The following RERE variants were observed in gnomAD, a reference collection of about 807,000 sequenced individuals.
RERE encodes the protein arginine-glutamic acid dipeptide repeats protein.
A neutral mutation model predicts 146.1 loss-of-function variants in RERE; 40 were observed. The observed-to-expected ratio is 0.27, with a 90% CI of 0.21 to 0.36. The LOEUF is 0.36. Among genes scored for constraint, RERE ranks in the 10% least tolerant of loss-of-function variants. The probability of loss-of-function intolerance (pLI) is 1.00; values close to 1 mark genes in which losing one functional copy is unlikely to be tolerated. For missense variants in RERE, 1,933 were observed against 2,138.7 expected (o/e 0.90, Z 1.90); for synonymous variants, 1,003 against 866.0 (o/e 1.16, Z -2.78).
rs541722495 is a variant in RERE, at chr1:8,397,009, T to C, written c.1284+25718A>G. On this transcript the variant is annotated intron_variant, in intron 12 of 22. Transcript: ENST00000400908. ...GTATACACATCTGGTGAGACAGTTA[T>C]CTCAGGCAAAATGTACTGTGTGTCT... is the stretch of plus-strand genomic sequence containing the variant. Among the ~76,000 whole-genome samples the C allele has an allele frequency of 2.6e-5, 4 of 152,342 alleles. No homozygotes were observed. The East Asian group carries it at 7.7e-4, about 29-fold the overall frequency.
At chr1:8,588,614 C>T (rs1459523610) in intron 4 of RERE, among the ~76,000 whole-genome samples, 1 of 152,160 alleles carries the variant, frequency 6.6e-6, no homozygotes, top group Non-Finnish European at 1.5e-5. Context: ...CTGTCAGTAA[C>T]TTGAAATAAT....
intron 7 of RERE, among the ~76,000 whole-genome samples, chr1:8,509,630 T>C (rs1645306473): frequency 1.3e-5 from 2 of 151,880 alleles, no homozygotes; most frequent in Admixed American, 6.6e-5. Context: ...CAACACAGAG[T>C]GACGCCATCT....
chr1:8,426,071 A>C (rs302714), intron 11 of RERE, among the ~76,000 whole-genome samples: 40,958 of 152,012 alleles, frequency 0.27, 5,997 homozygotes, highest in Non-Finnish European at 0.32. Flanking sequence ...CTACAGTGGT[A>C]ACTATTTTCT....
rs141518818 is a variant in RERE, at chr1:8,471,659, T to C, written c.1105-5636A>G. 6.9e-4 allele frequency among the ~76,000 whole-genome samples: 105 copies of C among 152,136 alleles called. No homozygotes were observed. In the East Asian group the frequency reaches 0.018, roughly 26 times the overall value. ...TCCCAAGTAGCTCAGCTTACAGGCA[T>C]GCGCCACCATGCCTGGCTAATTTTT... On this transcript the variant is annotated intron_variant, in intron 10 of 22. Transcript: ENST00000400908.
chr1:8,519,541 GATA>G (rs1397336899), intron 7 of RERE, among the ~76,000 whole-genome samples: 1 of 152,140 alleles, frequency 6.6e-6, no homozygotes, highest in Non-Finnish European at 1.5e-5. Flanking sequence ...ATATGAAGTT[GATA>G]ATGTTATTAT....
chr1:8,395,016 AT>A (rs1297081751), intron 12 of RERE, among the ~76,000 whole-genome samples: 1 of 152,230 alleles, frequency 6.6e-6, no homozygotes, highest in Non-Finnish European at 1.5e-5. Flanking sequence ...AAGAAAACAT[AT>A]TTTAAGGGCC....
chr1:8,431,992 G>A (rs1261940373), intron 11 of RERE, among the ~76,000 whole-genome samples: 1 of 152,040 alleles, frequency 6.6e-6, no homozygotes, highest in Non-Finnish European at 1.5e-5. Flanking sequence ...CTCGGTTTTT[G>A]CAAGGGCTCT....
At chr1:8,526,228 A>G (rs1289014787) in intron 7 of RERE, among the ~76,000 whole-genome samples, 2 of 152,150 alleles carry the variant, frequency 1.3e-5, no homozygotes, top group African/African-American at 4.8e-5. Flanking sequence ...GAACTCAGCA[A>G]GCCAAGCCAC....
chr1:8,795,836 G>A (rs1344411053), intron 1 of RERE, among the ~76,000 whole-genome samples: 1 of 151,988 alleles, frequency 6.6e-6, no homozygotes, highest in Admixed American at 6.6e-5. Context: ...TACAAAATTA[G>A]CTGGGCGTGG....
At chr1:8,642,945 CTA>C (rs1647199284) in intron 2 of RERE, among the ~76,000 whole-genome samples, 1 of 152,194 alleles carries the variant, frequency 6.6e-6, no homozygotes, top group Non-Finnish European at 1.5e-5. Flanking sequence ...TCTGCCTGCG[CTA>C]ATAGGTATCT....
chr1:8,415,826 T>A (rs1409366101), intron 12 of RERE, among the ~76,000 whole-genome samples: 1 of 152,224 alleles, frequency 6.6e-6, no homozygotes, highest in East Asian at 1.9e-4. Context: ...AGCACAGGAA[T>A]AGCTATAGGA....
At chr1:8,637,695 G>C (rs981947860) in intron 2 of RERE, among the ~76,000 whole-genome samples, 1 of 152,156 alleles carries the variant, frequency 6.6e-6, no homozygotes, top group African/African-American at 2.4e-5. Context: ...ACCCTTCAAA[G>C]ATTATACAAA....
At chr1:8,581,962 T>C (rs1404629480) in intron 4 of RERE, among the ~76,000 whole-genome samples, 1 of 152,122 alleles carries the variant, frequency 6.6e-6, no homozygotes, top group Admixed American at 6.5e-5. Context: ...ATTTAATATG[T>C]ATGCATATAC....
intron 1 of RERE, among the ~76,000 whole-genome samples, chr1:8,772,457 A>G (rs1243022782): frequency 6.6e-6 from 1 of 152,104 alleles, no homozygotes; most frequent in East Asian, 1.9e-4. Context: ...GAGGAACTCA[A>G]CAAGGAAAAT....
chr1:8,807,027 T>G (rs530688646), intron 1 of RERE: 2 of 152,302 alleles, frequency 1.3e-5, no homozygotes, highest in Admixed American at 1.3e-4. Context: ...TTTCCCTAAC[T>G]GTACCTTATG....
Position 8,356,162 on chromosome 1 carries a change from A to G in RERE, c.4424T>C (p.Leu1475Pro). The G allele has an allele frequency of 1.3e-6, 2 of 1,519,622 alleles. No individual in the cohort carries two copies. The highest frequency in any genetic ancestry group is 1.5e-5 in the African/African-American group (1 of 68,410). 94.1% of individuals were successfully genotyped at this position (1,519,622 alleles called of 1,614,324 possible). ...GGGCTGTCCAAGCAGAGGGTTGGGG[A>G]GAGTGCCAGGCGGGTAGGGGAAGCG... ...LARFPYPPGT[L>P]PNPLLGQPPH... Residue 1475 changes from leucine to proline, a missense_variant, in exon 21 of 23, where the codon CTC becomes CCC. Leu to Pro is a moderately conservative substitution (Grantham distance 98). This residue lies in a region of RERE where 133 missense variants were observed against 168.6 expected (regional missense o/e 0.79). Coordinates refer to ENST00000400908, the MANE Select transcript of RERE (RefSeq NM_001042681.2). The surrounding 1 kb of genome is among the most constrained non-coding windows in gnomAD (Gnocchi z 5.2).
chr1:8,720,334 G>C (rs146544461), intron 1 of RERE, among the ~76,000 whole-genome samples: 2 of 151,390 alleles, frequency 1.3e-5, no homozygotes, highest in East Asian at 3.9e-4. Flanking sequence ...AGACACTCCT[G>C]ACCTCAAGGG....
chr1:8,364,126 T>C lies in RERE; in HGVS notation c.1670A>G (p.Lys557Arg). 2 of 1,614,160 alleles carry C rather than the reference T, an allele frequency of 1.2e-6. No homozygotes were observed. Among genetic ancestry groups the C allele is most frequent in the Non-Finnish European group, 1.7e-6 (2 of 1,180,038 alleles). ...KPVDPPPFMF[K>R]PVKEEDDGLS... ...CCCATCATCCTCTTCCTTGACGGGT[T>C]TGAACATAAACGGTGGCGGGTCCAC... Residue 557 changes from lysine to arginine, a missense_variant, in exon 15 of 23, where the codon AAA becomes AGA. Physicochemically the swap from Lys to Arg is conservative, Grantham distance 26 (BLOSUM62 2). Transcript: ENST00000400908. The surrounding 1 kb of genome is among the most constrained non-coding windows in gnomAD (Gnocchi z 5.1).
At position 8,577,248 on chromosome 1, in the gene RERE, T is replaced by G. The variant is rs532463144; in HGVS notation, c.523-19725A>C. Among the ~76,000 whole-genome samples the G allele has an allele frequency of 2.6e-5, 4 of 152,322 alleles. No individual in the cohort carries two copies. The South Asian group carries it at 8.3e-4, about 32-fold the overall frequency. On this transcript the variant is annotated intron_variant, in intron 4 of 22. Coordinates refer to ENST00000400908, the MANE Select transcript of RERE (RefSeq NM_001042681.2). Reference sequence around the variant, plus strand: ...TAAATTATATAAATGTATTACCTATTCAAAAACTATTTTTAAAAACTCACA... The same window carrying G: ...TAAATTATATAAATGTATTACCTATGCAAAAACTATTTTTAAAAACTCACA...
Sources: allele counts gnomAD v4.1 joint callset (sites outside exome capture counted in the v4.1 genomes callset), GRCh38; gene constraint gnomAD v4.1.1; regional missense constraint gnomAD v4.1.1; non-coding constraint Gnocchi (gnomAD v3.1); transcripts MANE v1.5; gene names NCBI Gene and HGNC (gene_info 2026-07-23, HGNC 2026-07-21).